Variants in CERS3 observed in about 807,000 individuals in gnomAD.
The protein encoded by CERS3 is ceramide synthase 3.
Under a neutral mutation model 50.3 loss-of-function variants are expected in CERS3, and 33 were observed. The ratio of observed to expected loss-of-function variants is 0.66; its 90% CI spans 0.50 to 0.88. The LOEUF (loss-of-function observed/expected upper bound fraction) is 0.88. Ranked by LOEUF, CERS3 falls within the 40% of genes least tolerant of loss-of-function variation. The pLI is 0.00. For synonymous variants in CERS3, 176 were observed against 155.2 expected (o/e 1.13, Z -0.99); for missense variants, 470 against 460.3 (o/e 1.02, Z -0.19).
At position 100,406,674 on chromosome 15, in the gene CERS3, C is replaced by T. The variant is rs1229203943; in HGVS notation, c.1000-3809G>A. ...ATGCTGGGAGCCAGGATCAAAAGCA[C>T]TCCCTCCTACAGATGAAGCCTTTCA... On this transcript the variant is annotated intron_variant, in intron 11 of 11. Transcript: ENST00000679737. Among the ~76,000 whole-genome samples the T allele has an allele frequency of 8.5e-5, 13 of 152,188 alleles. No individual in the cohort carries two copies. The South Asian group carries it at 1.4e-3, about 17-fold the overall frequency.
intron 3 of CERS3, among the ~76,000 whole-genome samples, chr15:100,492,438 TTTA>T (rs1183728931): frequency 6.6e-6 from 1 of 152,230 alleles, no homozygotes; most frequent in East Asian, 1.9e-4. Context: ...GATTTACCCT[TTTA>T]TTATTATAAA....
intron 4 of CERS3, among the ~76,000 whole-genome samples, chr15:100,487,622 A>G (rs1878044992): frequency 6.6e-6 from 1 of 152,206 alleles, no homozygotes; most frequent in African/African-American, 2.4e-5. Context: ...AGCCTCAAGG[A>G]GAGGTCGAAT....
chr15:100,480,056 G>T lies in CERS3; in HGVS notation c.408-10C>A, dbSNP rs760423300. ...AAATGCAAATCTCCAGCTGCCAAAA[G>T]AAAGAAAAATCTTTACTCCCTTGTA... On this transcript the variant is annotated splice_polypyrimidine_tract_variant and intron_variant, in intron 5 of 11. Coordinates refer to ENST00000679737, the MANE Select transcript of CERS3 (RefSeq NM_001378789.1). 6.2e-7 allele frequency: 1 copy of T among 1,605,660 alleles called. No individual in the cohort carries two copies. The highest frequency in any genetic ancestry group is 8.5e-7 in the Non-Finnish European group (1 of 1,175,586).
At chr15:100,517,314 G>T (rs1156422191) in intron 2 of CERS3, among the ~76,000 whole-genome samples, 1 of 152,180 alleles carries the variant, frequency 6.6e-6, no homozygotes, top group East Asian at 1.9e-4. Context: ...CTCATTGATG[G>T]CACTGTGCCT....
At chr15:100,517,066 C>T (rs771678206) in intron 2 of CERS3, among the ~76,000 whole-genome samples, 3 of 152,238 alleles carry the variant, frequency 2.0e-5, no homozygotes, top group Non-Finnish European at 2.9e-5. Flanking sequence ...AAGCTTAGAA[C>T]TGTGGCTCTG....
chr15:100,431,348 A>T (rs2033122426), intron 11 of CERS3, among the ~76,000 whole-genome samples: 2 of 152,222 alleles, frequency 1.3e-5, no homozygotes, highest in Admixed American at 1.3e-4. Flanking sequence ...TTATAAAATA[A>T]ATCATGTTTT....
intron 11 of CERS3, among the ~76,000 whole-genome samples, chr15:100,444,742 G>A (rs1462203535): frequency 1.3e-5 from 2 of 152,230 alleles, no homozygotes; most frequent in Middle Eastern, 3.4e-3. Flanking sequence ...TACTCAACAT[G>A]CCCTGAGTCA....
chr15:100,488,797 A>G (rs79856557), intron 4 of CERS3, among the ~76,000 whole-genome samples: 11 of 85,572 alleles, frequency 1.3e-4, no homozygotes, highest in South Asian at 1.1e-3. Flanking sequence ...TTTTTTTTTT[A>G]GATGGAGTCT....
At position 100,469,528 on chromosome 15, in the gene CERS3, C is replaced by A. The variant is rs372728156; in HGVS notation, c.739-44G>T. 7.8e-5 allele frequency: 103 copies of A among 1,322,122 alleles called. No individual in the cohort carries two copies. The African/African-American group carries it at 1.3e-3, about 17-fold the overall frequency. The allele number at this position is 1,322,122 out of a possible 1,614,324, so 81.9% of individuals were successfully genotyped here. A position where few individuals can be genotyped will look rare whatever the true frequency, so the allele number is the denominator to read the frequency against. On this transcript the variant is annotated intron_variant, in intron 9 of 11. Transcript: ENST00000679737. ...CTGCAGATAAAGTGACAATAGCCTACATTTTTAAAGTTAAATTTATAAATG... is the reference window on the plus strand; with the variant it reads ...CTGCAGATAAAGTGACAATAGCCTAAATTTTTAAAGTTAAATTTATAAATG...
chr15:100,427,551 A>C (rs1332152037), intron 11 of CERS3, among the ~76,000 whole-genome samples: 1 of 152,182 alleles, frequency 6.6e-6, no homozygotes, highest in Non-Finnish European at 1.5e-5. Flanking sequence ...CAGAGCCTGA[A>C]GCTACCAGAG....
intron 5 of CERS3, among the ~76,000 whole-genome samples, chr15:100,482,679 G>A (rs2587766): frequency 0.28 from 42,075 of 151,942 alleles, 6,210 homozygotes; most frequent in East Asian, 0.41. Flanking sequence ...GTCACCATGA[G>A]AGAAAGTCAC....
chr15:100,484,631 G>A lies in CERS3; in HGVS notation c.326C>T (p.Thr109Met), dbSNP rs138661052. 51 of 1,613,856 alleles carry A rather than the reference G, an allele frequency of 3.2e-5. No homozygotes were observed. The highest frequency in any genetic ancestry group is 3.3e-4 in the Middle Eastern group (2 of 6,084). ...IYGLAKKCNL[T>M]ERQVERWFRS... ...AAACCATCTTTCCACCTGGCGCTCCGTCAAGTTACACTTCTTTGCCAGTCC... is the reference window on the plus strand; with the variant it reads ...AAACCATCTTTCCACCTGGCGCTCCATCAAGTTACACTTCTTTGCCAGTCC... The change falls in exon 5 of 12, where the codon ACG (threonine) becomes ATG (methionine). Residue 109 changes from threonine to methionine, a missense_variant. Coordinates refer to ENST00000679737, the MANE Select transcript of CERS3 (RefSeq NM_001378789.1).
intron 11 of CERS3, among the ~76,000 whole-genome samples, chr15:100,440,604 G>A (rs559141677): frequency 9.8e-5 from 15 of 152,310 alleles, no homozygotes; most frequent in African/African-American, 3.1e-4. Context: ...ACGGACGTGC[G>A]TGAAATTTGG....
rs1460883733 is a variant in CERS3 at position 100,421,060 on chromosome 15, A to C, written c.1000-18195T>G. 2.0e-5 allele frequency among the ~76,000 whole-genome samples: 3 copies of C among 149,004 alleles called. No individual in the cohort carries two copies. In the South Asian group the frequency reaches 6.5e-4, roughly 32 times the overall value. On this transcript the variant is annotated intron_variant, in intron 11 of 11. Coordinates refer to ENST00000679737, the MANE Select transcript of CERS3 (RefSeq NM_001378789.1). ...CCCTCTCTCACCACTCCTATTCAACATAGTGTTGGAAGTTCTGGCCAGGGC... is the reference window on the plus strand; with the variant it reads ...CCCTCTCTCACCACTCCTATTCAACCTAGTGTTGGAAGTTCTGGCCAGGGC...
rs1363785752 is a variant in CERS3, at chr15:100,401,292, AG to A, written c.*1420del. The A allele has an allele frequency of 6.6e-5, 10 of 152,402 alleles. No individual in the cohort carries two copies. Among genetic ancestry groups the A allele is most frequent in the African/African-American group, 2.4e-4 (10 of 41,584 alleles). 9.4% of individuals were successfully genotyped at this position (152,402 alleles called of 1,614,324 possible). A position where few individuals can be genotyped will look rare whatever the true frequency, so the allele number is the denominator to read the frequency against. ...ATTTTACTCAGGGTCTTCCTTGGGA[AG>A]GCCTGGCCTCTCCTCAGCCAGCAGC... On this transcript the variant is annotated 3_prime_UTR_variant, in exon 12 of 12. Transcript: ENST00000679737.
chr15:100,470,648 G>A (rs917430406), intron 9 of CERS3, among the ~76,000 whole-genome samples: 1 of 152,124 alleles, frequency 6.6e-6, no homozygotes, highest in African/African-American at 2.4e-5. Flanking sequence ...ACACTTTTGG[G>A]CAAAACATAC....
rs143625266 is a variant in CERS3 at position 100,469,399 on chromosome 15, C to T, written c.824G>A (p.Arg275His). Residue 275 changes from arginine to histidine, a missense_variant, in exon 10 of 12, where the codon CGC becomes CAC. Transcript: ENST00000679737. ...FIFSTIFFISRLIVFPFWILY... is the reference protein window; with the variant it reads ...FIFSTIFFISHLIVFPFWILY... ...TCACCAGAAAGGAAAAACAATGAGG[C>T]GGCTGATGAAAAATATGGTGGAGAA... is the stretch of plus-strand genomic sequence containing the variant. 5.6e-6 allele frequency: 9 copies of T among 1,613,510 alleles called. No individual in the cohort carries two copies. Among genetic ancestry groups the T allele is most frequent in the South Asian group, 1.1e-5 (1 of 91,068 alleles).
intron 11 of CERS3, among the ~76,000 whole-genome samples, chr15:100,452,869 CT>C (rs2034223368): frequency 6.6e-6 from 1 of 152,040 alleles, no homozygotes; most frequent in Admixed American, 6.5e-5. Context: ...TAGTGAATAA[CT>C]ATACACTAAC....
chr15:100,490,793 G>A (rs370813257), intron 4 of CERS3, 24 bp downstream of exon 4: 469 of 1,443,446 alleles, frequency 3.2e-4, no homozygotes, highest in Middle Eastern at 1.4e-3. Flanking sequence ...TTTTTAAGTC[G>A]AAAAGCAAAG....
Sources: gnomAD v4.1 joint callset for allele counts (sites outside exome capture counted in the v4.1 genomes callset) on GRCh38, gnomAD v4.1.1 for gene constraint, MANE v1.5 for transcripts, NCBI Gene and HGNC (gene_info 2026-07-23, HGNC 2026-07-21) for gene names.